The following VOPP1 variants were observed in gnomAD, a reference collection of about 807,000 sequenced individuals.
VOPP1 encodes VOPP1 WW domain binding protein.
VOPP1 carries 8 observed loss-of-function variants against 23.5 expected under a neutral mutation model. The observed-to-expected ratio is 0.34, with a 90% CI of 0.20 to 0.61. The LOEUF is 0.61. Ranked by LOEUF, VOPP1 falls within the 20% of genes least tolerant of loss-of-function variation. The pLI, the probability that VOPP1 is intolerant of heterozygous loss-of-function variation, is 0.78. For missense variants in VOPP1, 174 were observed against 238.1 expected (o/e 0.73, Z 1.77); for synonymous variants, 83 against 97.3 (o/e 0.85, Z 0.86).
intron 4 of VOPP1, among the ~76,000 whole-genome samples, chr7:55,456,357 A>C (rs1020716786): frequency 1.3e-5 from 2 of 152,228 alleles, no homozygotes; most frequent in African/African-American, 4.8e-5. Flanking sequence ...GTGGAAGTGT[A>C]AATTAGTTCA....
intron 4 of VOPP1, among the ~76,000 whole-genome samples, chr7:55,489,278 T>C (rs1039352048): frequency 5.3e-5 from 8 of 152,334 alleles, no homozygotes; most frequent in Admixed American, 3.9e-4. Flanking sequence ...AGCCACACCG[T>C]TGCAGGCCTG....
At chr7:55,564,266 TCGCTCGCTTG>T (rs1562634211) in intron 1 of VOPP1, among the ~76,000 whole-genome samples, 3 of 150,422 alleles carry the variant, frequency 2.0e-5, no homozygotes, top group African/African-American at 5.0e-5. Context: ...TCTCTCTCTC[TCGCTCGCTTG>T]CTCTCTCTCA....
chr7:55,546,850 C>T (rs1797386011), intron 1 of VOPP1, among the ~76,000 whole-genome samples: 1 of 152,196 alleles, frequency 6.6e-6, no homozygotes, highest in Non-Finnish European at 1.5e-5. Flanking sequence ...GCCTGGGAGG[C>T]TAAGCCATGG....
chr7:55,449,454 G>A (rs960996283), intron 4 of VOPP1, among the ~76,000 whole-genome samples: 2 of 152,192 alleles, frequency 1.3e-5, no homozygotes, highest in African/African-American at 4.8e-5. Flanking sequence ...CCCGGTCCTC[G>A]TTCAGCTGCA....
At chr7:55,435,221 T>TACTG (rs1790794721), downstream of VOPP1, among the ~76,000 whole-genome samples, 5 of 152,160 alleles carry the variant, frequency 3.3e-5, no homozygotes, top group South Asian at 1.0e-3. Flanking sequence ...TGCATATGAT[T>TACTG]ACTGACATGG....
intron 1 of VOPP1, among the ~76,000 whole-genome samples, chr7:55,560,410 G>C (rs1213188455): frequency 6.6e-6 from 1 of 152,110 alleles, no homozygotes; most frequent in East Asian, 1.9e-4. Context: ...GTAATCTCAA[G>C]GGTCTTTACA....
chr7:55,557,181 A>G (rs540899516), intron 1 of VOPP1, among the ~76,000 whole-genome samples: 1 of 152,260 alleles, frequency 6.6e-6, no homozygotes, highest in Admixed American at 6.5e-5. Flanking sequence ...TGGCAAGTCA[A>G]TCTGCTGAGG....
chr7:55,539,269 C>T (rs1275869406), intron 1 of VOPP1, among the ~76,000 whole-genome samples: 2 of 152,050 alleles, frequency 1.3e-5, no homozygotes, highest in African/African-American at 2.4e-5. Flanking sequence ...CGCTTGGACC[C>T]GGGAGGCGGA....
intron 1 of VOPP1, among the ~76,000 whole-genome samples, chr7:55,534,432 G>A (rs890294062): frequency 6.6e-6 from 1 of 152,208 alleles, no homozygotes; most frequent in African/African-American, 2.4e-5. Flanking sequence ...GGGAGCGGGG[G>A]CTGCCCAAAG....
At chr7:55,440,783 C>T (rs955039039) in intron 4 of VOPP1, among the ~76,000 whole-genome samples, 1 of 152,118 alleles carries the variant, frequency 6.6e-6, no homozygotes. Context: ...AGAGACAGGC[C>T]GGATGTATTT....
At chr7:55,553,731 C>T (rs1797705180) in intron 1 of VOPP1, 1 of 151,062 alleles carries the variant, frequency 6.6e-6, no homozygotes, top group African/African-American at 2.5e-5. Context: ...CCCCTGATAT[C>T]TCTGTGCTCC....
At chr7:55,524,137 C>T (rs1796033324) in intron 1 of VOPP1, among the ~76,000 whole-genome samples, 1 of 152,180 alleles carries the variant, frequency 6.6e-6, no homozygotes, top group Admixed American at 6.5e-5. Context: ...GCACCATTTC[C>T]ATCCTACTCT....
At position 55,547,707 on chromosome 7, in the gene VOPP1, T is replaced by C. The variant is rs554118793; in HGVS notation, c.54+24564A>G. Among the ~76,000 whole-genome samples the C allele has an allele frequency of 7.9e-5, 12 of 152,298 alleles. No individual in the cohort carries two copies. In the East Asian group the frequency reaches 2.3e-3, roughly 29 times the overall value. Reference sequence around the variant, plus strand: ...AGATAAAGAAACTTTACACAAAATCTAGATATTCAATTTTTCCTGAAAAAT... The same window carrying C: ...AGATAAAGAAACTTTACACAAAATCCAGATATTCAATTTTTCCTGAAAAAT... On this transcript the variant is annotated intron_variant, in intron 1 of 4. Coordinates refer to ENST00000285279, the MANE Select transcript of VOPP1 (RefSeq NM_030796.5).
Position 55,490,350 on chromosome 7 carries a change from G to A in VOPP1, c.328+1932C>T, listed in dbSNP as rs185394237. On this transcript the variant is annotated intron_variant, in intron 4 of 4. Coordinates refer to ENST00000285279, the MANE Select transcript of VOPP1 (RefSeq NM_030796.5). ...CAGATGGAGCGGGGTTAGGTGGGGTGTGGGGCTGTGCAGAACAGAGGGATG... is the reference window on the plus strand; with the variant it reads ...CAGATGGAGCGGGGTTAGGTGGGGTATGGGGCTGTGCAGAACAGAGGGATG... Among the ~76,000 whole-genome samples, 4 of 152,224 alleles carry A rather than the reference G, an allele frequency of 2.6e-5. No homozygotes were observed. The East Asian group carries it at 5.8e-4, about 22-fold the overall frequency.
Position 55,472,016 on chromosome 7 carries a change from G to C in VOPP1, c.*839C>G, listed in dbSNP as rs1001354428. ...GATGTCCAGGGAAGACACACACCCA[G>C]TCTGATTTCAAAGGGCAGGACGCTC... is the stretch of plus-strand genomic sequence containing the variant. On this transcript the variant is annotated 3_prime_UTR_variant, in exon 5 of 5. Coordinates refer to ENST00000285279, the MANE Select transcript of VOPP1 (RefSeq NM_030796.5). 2 of 152,266 alleles carry C rather than the reference G, an allele frequency of 1.3e-5. No individual in the cohort carries two copies. Among genetic ancestry groups the C allele is most frequent in the African/African-American group, 4.8e-5 (2 of 41,446 alleles). 9.4% of individuals were successfully genotyped at this position (152,266 alleles called of 1,614,324 possible). A position where few individuals can be genotyped will look rare whatever the true frequency, so the allele number is the denominator to read the frequency against.
At chr7:55,500,768 T>G (rs549723538) in intron 2 of VOPP1, among the ~76,000 whole-genome samples, 14 of 152,324 alleles carry the variant, frequency 9.2e-5, no homozygotes, top group Non-Finnish European at 1.8e-4. Context: ...AGTGCCATGT[T>G]TGAAATAAGC....
At chr7:55,495,237 C>T (rs902472309) in intron 3 of VOPP1, among the ~76,000 whole-genome samples, 2 of 152,154 alleles carry the variant, frequency 1.3e-5, no homozygotes, top group African/African-American at 2.4e-5. Flanking sequence ...CTCAAGGGTG[C>T]CATCGGTCCA....
chr7:55,504,516 G>A (rs535784982), intron 2 of VOPP1, among the ~76,000 whole-genome samples: 34 of 152,360 alleles, frequency 2.2e-4, no homozygotes, highest in African/African-American at 8.2e-4. Context: ...GGACTGCAGA[G>A]CTCTGTGCCT....
intron 4 of VOPP1, among the ~76,000 whole-genome samples, chr7:55,452,974 G>A (rs1350221437): frequency 3.9e-5 from 6 of 152,160 alleles, no homozygotes; most frequent in South Asian, 4.1e-4. Context: ...AAAGACAAGC[G>A]CTGACTTTTC....
Sources: allele counts gnomAD v4.1 joint callset (sites outside exome capture counted in the v4.1 genomes callset), GRCh38; gene constraint gnomAD v4.1.1; transcripts MANE v1.5; gene names NCBI Gene and HGNC (gene_info 2026-07-23, HGNC 2026-07-21).